Variants in MTHFD1 observed in about 807,000 individuals in gnomAD.
MTHFD1 encodes the protein C-1-tetrahydrofolate synthase, cytoplasmic.
MTHFD1 carries 44 observed loss-of-function variants against 110.3 expected under a neutral mutation model. The ratio of observed to expected loss-of-function variants is 0.40; its 90% CI spans 0.31 to 0.51. The LOEUF (loss-of-function observed/expected upper bound fraction) is 0.51. Among genes scored for constraint, MTHFD1 ranks in the 20% least tolerant of loss-of-function variants. The probability of loss-of-function intolerance (pLI) is 0.60; values close to 1 mark genes in which losing one functional copy is unlikely to be tolerated. For synonymous variants in MTHFD1, 402 were observed against 428.8 expected, an observed-to-expected ratio of 0.94 and a Z score of 0.77; for missense variants, 909 against 1,173.1, an observed-to-expected ratio of 0.77 and a Z score of 3.29.
rs1326829113 is a variant in MTHFD1, at chr14:64,453,850, TA to T, written c.2555del (p.Tyr852SerfsTer52). ...LPEAQHKAEV[Y>X]TKQGFGNLPI... ...CGAAGCTCAACACAAAGCTGAAGTC[TA>T]CACGAAGCAGGTAGATGTTTGGTTA... On this transcript the variant is annotated frameshift_variant, in exon 25 of 28. Coordinates refer to ENST00000652337, the MANE Select transcript of MTHFD1 (RefSeq NM_005956.4). LOFTEE classifies it high-confidence loss of function. 16 of 1,601,946 alleles carry T rather than the reference TA, an allele frequency of 1.0e-5. No individual in the cohort carries two copies. Among genetic ancestry groups the T allele is most frequent in the Non-Finnish European group, 1.2e-5 (14 of 1,168,900 alleles).
intron 5 of MTHFD1, 46 bp from the exon 6 acceptor site, chr14:64,415,592 AC>A (rs1253978880): frequency 6.2e-7 from 1 of 1,611,578 alleles, no homozygotes; most frequent in African/African-American, 1.3e-5. Flanking sequence ...AAGAGTAAAG[AC>A]ATCTAATTGC....
rs779093309 is a variant in MTHFD1, at chr14:64,458,318, A to G, written c.*4+11A>G. The G allele has an allele frequency of 2.5e-6, 4 of 1,585,196 alleles. No homozygotes were observed. The South Asian group carries it at 4.4e-5, about 18-fold the overall frequency. ...GATTATTCTAAACAGGTAAGTTGTT[A>G]CTGGGTAATAATTTGGCTTTTTTCC... On this transcript the variant is annotated intron_variant, in intron 27 of 27. Transcript: ENST00000652337.
chr14:64,454,932 G>A (rs781649383), intron 26 of MTHFD1, 57 bp downstream of exon 26: 10 of 1,576,568 alleles, frequency 6.3e-6, no homozygotes, highest in Non-Finnish European at 7.9e-6. Flanking sequence ...TCTGAAGTGT[G>A]TTGCCGAAAC....
At position 64,417,954 on chromosome 14, in the gene MTHFD1, A is replaced by G. The variant is rs763639515; in HGVS notation, c.545A>G (p.His182Arg). Reference protein sequence around the residue: ...GRSKIVGAPMHDLLLWNNATV... With the variant: ...GRSKIVGAPMRDLLLWNNATV... ...AGTAAAATAGTTGGGGCCCCGATGC[A>G]TGACTTGCTTCTGTGGAACAATGCC... The change falls in exon 7 of 28, where the codon CAT (histidine) becomes CGT (arginine). Residue 182 changes from histidine to arginine, a missense_variant. Coordinates refer to ENST00000652337, the MANE Select transcript of MTHFD1 (RefSeq NM_005956.4). The surrounding 1 kb of genome is among the most constrained non-coding windows in gnomAD (Gnocchi z 4.4). 10 of 1,613,990 alleles carry G rather than the reference A, an allele frequency of 6.2e-6. No individual in the cohort carries two copies. The East Asian group carries it at 1.3e-4, about 22-fold the overall frequency.
At chr14:64,453,993 A>G (rs892615115) in intron 25 of MTHFD1, 132 bp downstream of exon 25, 2 of 701,984 alleles carry the variant, frequency 2.8e-6, no homozygotes, top group African/African-American at 3.5e-5. Context: ...TCTCCTCTGA[A>G]ATACTGAGTT....
chr14:64,399,673 A>G (rs956912878), intron 1 of MTHFD1, among the ~76,000 whole-genome samples: 14 of 151,720 alleles, frequency 9.2e-5, no homozygotes, highest in South Asian at 2.1e-4. Flanking sequence ...AAAAAAAAAA[A>G]AAAGAAAAAA....
chr14:64,449,132 C>G (rs1409164255), intron 23 of MTHFD1: 3 of 407,866 alleles, frequency 7.4e-6, no homozygotes, highest in East Asian at 5.5e-5. Flanking sequence ...TTTACTGATT[C>G]CTTCTGGAGT....
intron 2 of MTHFD1, among the ~76,000 whole-genome samples, chr14:64,403,176 G>A (rs1299011127): frequency 6.6e-6 from 1 of 151,558 alleles, no homozygotes; most frequent in Non-Finnish European, 1.5e-5. Flanking sequence ...GTGCAGTGGT[G>A]CAATCTTGGC....
intron 2 of MTHFD1, among the ~76,000 whole-genome samples, chr14:64,407,285 G>C (rs938196979): frequency 3.3e-5 from 5 of 152,066 alleles, no homozygotes; most frequent in African/African-American, 1.2e-4. Context: ...GGGAAATATA[G>C]AGAGACTTTG....
At chr14:64,421,023 C>T (rs747750199) in intron 8 of MTHFD1, among the ~76,000 whole-genome samples, 1 of 152,168 alleles carries the variant, frequency 6.6e-6, no homozygotes, top group Non-Finnish European at 1.5e-5. Context: ...AGCACAATGC[C>T]AGGCCTTGGG....
Position 64,417,931 on chromosome 14 carries a change from T to C in MTHFD1, c.522T>C (p.Ser174=). ...GGCATGCTGTGGTGGTTGGGCGCAG[T>C]AAAATAGTTGGGGCCCCGATGCATG... is the stretch of plus-strand genomic sequence containing the variant. ...AGRHAVVVGR[S]KIVGAPMHDL... The change falls in exon 7 of 28, where the codon AGT becomes AGC. Residue 174 remains serine, a synonymous_variant. Coordinates refer to ENST00000652337, the MANE Select transcript of MTHFD1 (RefSeq NM_005956.4). The surrounding 1 kb of genome is among the most constrained non-coding windows in gnomAD (Gnocchi z 4.4). The C allele has an allele frequency of 6.2e-7, 1 of 1,613,396 alleles. No homozygotes were observed. Among genetic ancestry groups the C allele is most frequent in the Non-Finnish European group, 8.5e-7 (1 of 1,179,984 alleles).
rs550732610 is a variant in MTHFD1, at chr14:64,394,909, C to T, written c.42-5884C>T. On this transcript the variant is annotated intron_variant, in intron 1 of 27. Coordinates refer to ENST00000652337, the MANE Select transcript of MTHFD1 (RefSeq NM_005956.4). ...ACCCTTACCTTCCCCATTCTTTCTA[C>T]CTTCCCCTCTGATGATCCAGAGGGC... 2.0e-5 allele frequency among the ~76,000 whole-genome samples: 3 copies of T among 152,280 alleles called. No individual in the cohort carries two copies. In the South Asian group the frequency reaches 6.2e-4, roughly 32 times the overall value.
At position 64,388,445 on chromosome 14, in the gene MTHFD1, C is replaced by A; in HGVS notation, c.18C>A (p.Ile6=). 6.2e-7 allele frequency: 1 copy of A among 1,614,116 alleles called. No individual in the cohort carries two copies. The highest frequency in any genetic ancestry group is 8.5e-7 in the Non-Finnish European group (1 of 1,180,028). MAPAE[I]LNGKEISAQI... is the part of the protein sequence containing the mutation. The stretch of plus-strand genomic sequence containing the variant: ...TAAAGGCCATGGCGCCAGCAGAAAT[C>A]CTGAACGGGAAGGAGATCTCCGCGT... The change falls in exon 1 of 28, where the codon ATC becomes ATA. Residue 6 remains isoleucine, a synonymous_variant. Coordinates refer to ENST00000652337, the MANE Select transcript of MTHFD1 (RefSeq NM_005956.4).
At chr14:64,435,101 C>A (rs143559599) in intron 15 of MTHFD1, among the ~76,000 whole-genome samples, 11 of 151,914 alleles carry the variant, frequency 7.2e-5, no homozygotes, top group African/African-American at 2.2e-4. Context: ...AGTCACCCAC[C>A]ACCATGCCCA....
chr14:64,414,838 TGCCACCAC>T (rs2140955679), intron 4 of MTHFD1, among the ~76,000 whole-genome samples: 1 of 151,960 alleles, frequency 6.6e-6, no homozygotes, highest in East Asian at 1.9e-4. Context: ...TACAGGCATG[TGCCACCAC>T]ACCTGGCTAA....
At chr14:64,453,172 C>CTA (rs774233482) in intron 24 of MTHFD1, among the ~76,000 whole-genome samples, 12 of 151,674 alleles carry the variant, frequency 7.9e-5, no homozygotes, top group East Asian at 3.8e-4. Context: ...GTATCTATAT[C>CTA]TATATATATA....
chr14:64,449,276 A>G (rs990165374), intron 23 of MTHFD1, 169 bp from the exon 24 acceptor site: 4 of 738,260 alleles, frequency 5.4e-6, no homozygotes, highest in Non-Finnish European at 4.7e-6. Context: ...TAACTGGCCA[A>G]AAGTCACCAG....
intron 21 of MTHFD1, among the ~76,000 whole-genome samples, chr14:64,442,911 A>G (rs2078259799): frequency 1.3e-5 from 2 of 152,088 alleles, no homozygotes; most frequent in Admixed American, 1.3e-4. Flanking sequence ...AAACAGGTGG[A>G]GACTGGCTCA....
At chr14:64,444,823 G>T in intron 22 of MTHFD1, 89 bp downstream of exon 22, 1 of 1,443,940 alleles carries the variant, frequency 6.9e-7, no homozygotes, top group East Asian at 2.3e-5. Flanking sequence ...GAAATGAATG[G>T]GTTATTGCTG....
Sources: allele counts gnomAD v4.1 joint callset (sites outside exome capture counted in the v4.1 genomes callset), GRCh38; gene constraint gnomAD v4.1.1; non-coding constraint Gnocchi (gnomAD v3.1); transcripts MANE v1.5; gene names NCBI Gene and HGNC (gene_info 2026-07-23, HGNC 2026-07-21).